Variants in SPIN1 observed in about 807,000 individuals in gnomAD.
SPIN1 encodes the protein spindlin 1, also known as spindlin-1.
A neutral mutation model predicts 26.0 loss-of-function variants in SPIN1; 3 were observed. The ratio of observed to expected loss-of-function variants is 0.12; its 90% CI spans 0.05 to 0.30. The LOEUF (loss-of-function observed/expected upper bound fraction) is 0.30, where lower values mean the gene tolerates loss of function less well. SPIN1 is among the 10% of genes least tolerant of loss of function. SPIN1 has a pLI of 1.00. For synonymous variants in SPIN1, 101 were observed against 116.5 expected, an observed-to-expected ratio of 0.87 and a Z score of 0.86; for missense variants, 126 against 333.4, an observed-to-expected ratio of 0.38 and a Z score of 4.84.
chr9:88,419,251 T>C (rs1224922664), intron 1 of SPIN1, among the ~76,000 whole-genome samples: 3 of 152,166 alleles, frequency 2.0e-5, no homozygotes, highest in Non-Finnish European at 4.4e-5. Context: ...TTCTCCACCC[T>C]GACTCATTCT....
chr9:88,449,219 A>G (rs1817868079), intron 3 of SPIN1, among the ~76,000 whole-genome samples: 1 of 151,768 alleles, frequency 6.6e-6, no homozygotes, highest in Non-Finnish European at 1.5e-5. Flanking sequence ...AGCCTTTGGG[A>G]ACTGGGCCAA....
chr9:88,392,796 C>T (rs906357276), intron 1 of SPIN1, among the ~76,000 whole-genome samples: 2 of 152,132 alleles, frequency 1.3e-5, no homozygotes, highest in East Asian at 1.9e-4. Context: ...ACAGTAAATG[C>T]CCAGTTGATA....
At chr9:88,468,950 C>T (rs1432076945) in intron 5 of SPIN1, among the ~76,000 whole-genome samples, 1 of 152,192 alleles carries the variant, frequency 6.6e-6, no homozygotes, top group Non-Finnish European at 1.5e-5. Context: ...ACAGTTATCT[C>T]ATCGCCTGTC....
chr9:88,449,860 T>C (rs1385071013), intron 3 of SPIN1, among the ~76,000 whole-genome samples: 4 of 152,148 alleles, frequency 2.6e-5, no homozygotes, highest in African/African-American at 9.7e-5. Flanking sequence ...ATATTTATAT[T>C]GAAAGTGTAT....
intron 1 of SPIN1, among the ~76,000 whole-genome samples, chr9:88,392,156 T>C (rs959224830): frequency 1.3e-5 from 2 of 152,214 alleles, no homozygotes; most frequent in Non-Finnish European, 2.9e-5. Flanking sequence ...CCTTCTCCTT[T>C]CTACTTTTGA....
chr9:88,437,666 C>A (rs1162953502), intron 2 of SPIN1, among the ~76,000 whole-genome samples: 2 of 152,168 alleles, frequency 1.3e-5, no homozygotes, highest in Non-Finnish European at 2.9e-5. Flanking sequence ...GCCAAACTGT[C>A]TTCCAAAGCG....
At chr9:88,472,433 C>T (rs1413043496) in intron 5 of SPIN1, among the ~76,000 whole-genome samples, 2 of 151,592 alleles carry the variant, frequency 1.3e-5, no homozygotes, top group African/African-American at 4.9e-5. Context: ...GGCGTTTCAC[C>T]ATGTTGACCA....
intron 1 of SPIN1, among the ~76,000 whole-genome samples, chr9:88,394,185 C>G (rs1403987295): frequency 6.6e-5 from 10 of 152,302 alleles, no homozygotes; most frequent in African/African-American, 2.4e-4. Flanking sequence ...ACTGTTTTTC[C>G]TTAGCTTTTC....
rs975394503 is a variant in SPIN1 at position 88,465,006 on chromosome 9, G to A, written c.355+2257G>A. Among the ~76,000 whole-genome samples, 4 of 152,164 alleles carry A rather than the reference G, an allele frequency of 2.6e-5. No homozygotes were observed. In the East Asian group the frequency reaches 5.8e-4, roughly 22 times the overall value. On this transcript the variant is annotated intron_variant, in intron 4 of 5. Transcript: ENST00000375859. ...TATCTCATAGAAGTGGAATCACACA[G>A]TATTTGTTTTGTGAGTAACTTATTT...
chr9:88,388,756 C>T (rs1326793123), intron 1 of SPIN1, among the ~76,000 whole-genome samples: 1 of 149,394 alleles, frequency 6.7e-6, no homozygotes, highest in African/African-American at 2.4e-5. Flanking sequence ...GGCGCGCGCT[C>T]CTTTGTTCGC....
intron 5 of SPIN1, among the ~76,000 whole-genome samples, chr9:88,470,067 G>A (rs1348190330): frequency 2.0e-5 from 3 of 152,134 alleles, no homozygotes; most frequent in African/African-American, 2.4e-5. Context: ...TGGACTATAT[G>A]GTGTGAGGTC....
chr9:88,403,691 TGACAGAG>T (rs1418001692), intron 1 of SPIN1, among the ~76,000 whole-genome samples: 1 of 152,114 alleles, frequency 6.6e-6, no homozygotes, highest in Admixed American at 6.6e-5. Flanking sequence ...TTAGCCTGGG[TGACAGAG>T]TAAGATCCTG....
At chr9:88,424,205 G>GTACT (rs1246681762) in intron 1 of SPIN1, among the ~76,000 whole-genome samples, 1 of 152,110 alleles carries the variant, frequency 6.6e-6, no homozygotes, top group African/African-American at 2.4e-5. Flanking sequence ...GAGACAAAGG[G>GTACT]TACTGATCAG....
At position 88,424,405 on chromosome 9, in the gene SPIN1, A is replaced by G. The variant is rs568972194; in HGVS notation, c.-158-1977A>G. Among the ~76,000 whole-genome samples, 16 of 152,252 alleles carry G rather than the reference A, an allele frequency of 1.1e-4. No individual in the cohort carries two copies. In the South Asian group the frequency reaches 2.7e-3, roughly 26 times the overall value. ...TCCATGTTTAACCACTTTATGTTGT[A>G]AGCACTCTAGGAAGGGATTTGGGTT... On this transcript the variant is annotated intron_variant, in intron 1 of 5. Coordinates refer to ENST00000375859, the MANE Select transcript of SPIN1 (RefSeq NM_006717.3).
chr9:88,440,982 C>CT (rs1201609286), intron 2 of SPIN1, among the ~76,000 whole-genome samples: 2 of 151,252 alleles, frequency 1.3e-5, no homozygotes, highest in Non-Finnish European at 2.9e-5. Flanking sequence ...TAATATATTG[C>CT]TTTAGGGGTA....
At chr9:88,457,839 T>C (rs1828500471) in intron 3 of SPIN1, 2 of 982,964 alleles carry the variant, frequency 2.0e-6, no homozygotes, top group Non-Finnish European at 2.4e-6. Context: ...GTGAAAATAC[T>C]ACGCAAAAAG....
chr9:88,460,396 G>A (rs1292144810), intron 3 of SPIN1, among the ~76,000 whole-genome samples: 1 of 152,050 alleles, frequency 6.6e-6, no homozygotes, highest in East Asian at 1.9e-4. Flanking sequence ...CTCTTGTCTA[G>A]CGATCTCATT....
At chr9:88,406,650 A>T (rs994636494) in intron 1 of SPIN1, among the ~76,000 whole-genome samples, 2 of 152,162 alleles carry the variant, frequency 1.3e-5, no homozygotes, top group African/African-American at 4.8e-5. Context: ...GCATCTGTCT[A>T]TTGGCATTTG....
intron 1 of SPIN1, among the ~76,000 whole-genome samples, chr9:88,418,382 A>AT (rs1255554730): frequency 6.6e-6 from 1 of 152,190 alleles, no homozygotes; most frequent in South Asian, 2.1e-4. Flanking sequence ...TGTGACAACA[A>AT]TTTTTTTTCT....
Sources: gnomAD v4.1 joint callset for allele counts (sites outside exome capture counted in the v4.1 genomes callset) on GRCh38, gnomAD v4.1.1 for gene constraint, MANE v1.5 for transcripts, NCBI Gene and HGNC (gene_info 2026-07-23, HGNC 2026-07-21) for gene names.